FXN: variants seen among roughly 807,000 people sequenced by gnomAD.
FXN encodes the protein frataxin, mitochondrial.
FXN carries 14 observed loss-of-function variants against 22.4 expected under a neutral mutation model. That is an observed-to-expected ratio of 0.62 (90% CI 0.41 to 0.98). The LOEUF is 0.98. FXN is among the 50% of genes least tolerant of loss of function. FXN has a pLI of 0.00. For synonymous variants in FXN, 120 were observed against 114.1 expected, an observed-to-expected ratio of 1.05 and a Z score of -0.33; for missense variants, 267 against 268.4, an observed-to-expected ratio of 0.99 and a Z score of 0.04.
At chr9:69,039,695 G>C (rs998485161) in intron 1 of FXN, among the ~76,000 whole-genome samples, 5 of 152,048 alleles carry the variant, frequency 3.3e-5, no homozygotes, top group Non-Finnish European at 7.4e-5. Context: ...ACGGGGCTGC[G>C]TCTTTAACGT....
At chr9:69,048,175 G>A (rs975901305) in intron 2 of FXN, among the ~76,000 whole-genome samples, 2 of 152,202 alleles carry the variant, frequency 1.3e-5, no homozygotes, top group Non-Finnish European at 2.9e-5. Flanking sequence ...ATGCCCAGCT[G>A]TCTCAGCCTA....
Position 69,073,114 on chromosome 9 carries a change from A to C in FXN, c.*352A>C. 1.7e-6 allele frequency: 2 copies of C among 1,151,618 alleles called. No individual in the cohort carries two copies. The highest frequency in any genetic ancestry group is 2.2e-6 in the Non-Finnish European group (2 of 929,610). 71.3% of individuals were successfully genotyped at this position (1,151,618 alleles called of 1,614,324 possible). On this transcript the variant is annotated 3_prime_UTR_variant, in exon 5 of 5. Coordinates refer to ENST00000484259, the MANE Select transcript of FXN (RefSeq NM_000144.5). ...CCAGGAGGGAAAATGAATTGTCTTC[A>C]CTCTTCATTCTTTGAAGGATTTACT...
At position 69,078,605 on chromosome 9, in the gene FXN, A is replaced by G; in HGVS notation, c.*5843A>G. ...TGTTCAGGCACTGACTCTACATATA[A>G]TTATGCTTTTCTACCCCCTCACACT... On this transcript the variant is annotated 3_prime_UTR_variant, in exon 5 of 5. Coordinates refer to ENST00000484259, the MANE Select transcript of FXN (RefSeq NM_000144.5). 3.0e-6 allele frequency: 3 copies of G among 985,676 alleles called. No individual in the cohort carries two copies. The highest frequency in any genetic ancestry group is 3.6e-6 in the Non-Finnish European group (3 of 829,946). 61.1% of individuals were successfully genotyped at this position (985,676 alleles called of 1,614,324 possible). A position where few individuals can be genotyped will look rare whatever the true frequency, so the allele number is the denominator to read the frequency against.
At chr9:69,056,221 G>T (rs1831955416) in intron 3 of FXN, among the ~76,000 whole-genome samples, 1 of 152,120 alleles carries the variant, frequency 6.6e-6, no homozygotes, top group African/African-American at 2.4e-5. Flanking sequence ...TCTAAAGAGG[G>T]TCCCACTACC....
At chr9:69,064,628 C>T (rs1475373469) in intron 3 of FXN, among the ~76,000 whole-genome samples, 1 of 152,130 alleles carries the variant, frequency 6.6e-6, no homozygotes, top group Non-Finnish European at 1.5e-5. Flanking sequence ...CAGATGCCAG[C>T]ACCAAGACCT....
intron 3 of FXN, among the ~76,000 whole-genome samples, chr9:69,053,471 A>G (rs73647061): frequency 0.018 from 2,592 of 140,284 alleles, 95 homozygotes; most frequent in African/African-American, 0.068. Context: ...ACTCTGTCAT[A>G]GATGGATGGA....
At chr9:69,040,284 A>G (rs1831632311) in intron 1 of FXN, among the ~76,000 whole-genome samples, 1 of 152,198 alleles carries the variant, frequency 6.6e-6, no homozygotes, top group African/African-American at 2.4e-5. Context: ...TTTAGGCCTA[A>G]CAAGCAGGTT....
chr9:69,067,896 T>C (rs2133131262), intron 4 of FXN, among the ~76,000 whole-genome samples: 1 of 152,172 alleles, frequency 6.6e-6, no homozygotes, highest in African/African-American at 2.4e-5. Flanking sequence ...GCAGGTCCAG[T>C]GGGGAAAGTG....
Position 69,035,835 on chromosome 9 carries a change from C to T in FXN, c.53C>T (p.Pro18Leu). 2.0e-6 allele frequency: 3 copies of T among 1,512,786 alleles called. No homozygotes were observed. Among genetic ancestry groups the T allele is most frequent in the Non-Finnish European group, 2.6e-6 (3 of 1,137,412 alleles). 93.7% of individuals were successfully genotyped at this position (1,512,786 alleles called of 1,614,324 possible). A position where few individuals can be genotyped will look rare whatever the true frequency, so the allele number is the denominator to read the frequency against. The change falls in exon 1 of 5, where the codon CCA (proline) becomes CTA (leucine). Residue 18 changes from proline to leucine, a missense_variant. Coordinates refer to ENST00000484259, the MANE Select transcript of FXN (RefSeq NM_000144.5). ...GCCGGCCTCCTGGCGTCACCCAGCC[C>T]AGCCCAGGCCCAGACCCTCACCCGG... ...AVAGLLASPS[P>L]AQAQTLTRVP...
chr9:69,057,755 C>T lies in FXN; in HGVS notation c.384+4495C>T, dbSNP rs375162393. Reference sequence around the variant, plus strand: ...CCCCTGAGATATAGCTAGAAGTTACCTCCTTTGTGAAGCCTTCCTAGATAC... The same window carrying T: ...CCCCTGAGATATAGCTAGAAGTTACTTCCTTTGTGAAGCCTTCCTAGATAC... On this transcript the variant is annotated intron_variant, in intron 3 of 4. Transcript: ENST00000484259. Among the ~76,000 whole-genome samples the T allele has an allele frequency of 2.6e-5, 4 of 151,934 alleles. No homozygotes were observed. In the East Asian group the frequency reaches 7.7e-4, roughly 29 times the overall value.
At chr9:69,065,456 G>A (rs1832151598) in intron 4 of FXN, among the ~76,000 whole-genome samples, 1 of 151,252 alleles carries the variant, frequency 6.6e-6, no homozygotes, top group South Asian at 2.1e-4. Context: ...TTGAGCCTCA[G>A]CCTGAGCCCA....
Position 69,069,046 on chromosome 9 carries a change from C to T in FXN, c.483-3566C>T, listed in dbSNP as rs182778625. ...GCAGAGCTGCCTGACCAAGAAATTG[C>T]GAGACAGAAGCAATGCTTGCAGGCG... On this transcript the variant is annotated intron_variant, in intron 4 of 4. Coordinates refer to ENST00000484259, the MANE Select transcript of FXN (RefSeq NM_000144.5). Among the ~76,000 whole-genome samples, 316 of 152,248 alleles carry T rather than the reference C, an allele frequency of 2.1e-3. 1 individual carries two copies. The highest frequency in any genetic ancestry group is 7.3e-3 in the African/African-American group (303 of 41,558).
In FXN at chr9:69,069,783, G is replaced by A. The variant is rs191960522; in HGVS notation, c.483-2829G>A. 9.2e-5 allele frequency among the ~76,000 whole-genome samples: 14 copies of A among 152,334 alleles called. No homozygotes were observed. In the East Asian group the frequency reaches 1.7e-3, roughly 19 times the overall value. On this transcript the variant is annotated intron_variant, in intron 4 of 4. Coordinates refer to ENST00000484259, the MANE Select transcript of FXN (RefSeq NM_000144.5). ...TGATGAGGCCATAGCGGGAGTCCAC[G>A]GAGGAGGATGCCTACTGCCCGACCT...
In FXN at chr9:69,074,515, G is replaced by A. The variant is rs1325414909; in HGVS notation, c.*1753G>A. On this transcript the variant is annotated 3_prime_UTR_variant, in exon 5 of 5. Coordinates refer to ENST00000484259, the MANE Select transcript of FXN (RefSeq NM_000144.5). ...TACCTGAGCGACAGAGCGAGACTCC[G>A]TCTCAAAAAAAAAAAAAAGGAGGGT... 1.8e-5 allele frequency: 17 copies of A among 941,028 alleles called. No individual in the cohort carries two copies. The East Asian group carries it at 4.4e-4, about 24-fold the overall frequency. 58.3% of individuals were successfully genotyped at this position (941,028 alleles called of 1,614,324 possible).
chr9:69,064,856 TA>T (rs1217079089), intron 3 of FXN, 81 bp from the exon 4 acceptor site: 2 of 806,380 alleles, frequency 2.5e-6, no homozygotes, highest in East Asian at 4.9e-5. Context: ...AGTGTTGAGA[TA>T]AAACATGAAG....
intron 4 of FXN, among the ~76,000 whole-genome samples, chr9:69,069,554 T>C (rs1298811817): frequency 1.3e-5 from 2 of 152,166 alleles, no homozygotes; most frequent in Non-Finnish European, 1.5e-5. Flanking sequence ...AAGGGTGGTA[T>C]GATGGGGACT....
intron 1 of FXN, among the ~76,000 whole-genome samples, chr9:69,041,054 A>G (rs1831648900): frequency 6.6e-6 from 1 of 152,190 alleles, no homozygotes; most frequent in Non-Finnish European, 1.5e-5. Flanking sequence ...ACTAAGACAA[A>G]TAACAAATAC....
At chr9:69,049,855 T>C (rs1831820478) in intron 2 of FXN, among the ~76,000 whole-genome samples, 1 of 152,194 alleles carries the variant, frequency 6.6e-6, no homozygotes, top group Non-Finnish European at 1.5e-5. Context: ...TCTCTGTGGA[T>C]TTAAAGTAAT....
chr9:69,071,015 G>A (rs542052994), intron 4 of FXN, among the ~76,000 whole-genome samples: 20 of 152,040 alleles, frequency 1.3e-4, no homozygotes, highest in Admixed American at 7.2e-4. Context: ...AAGTTTTCAG[G>A]TCCTGTGAAA....
Sources: gnomAD v4.1 joint callset for allele counts (sites outside exome capture counted in the v4.1 genomes callset) on GRCh38, gnomAD v4.1.1 for gene constraint, MANE v1.5 for transcripts, NCBI Gene and HGNC (gene_info 2026-07-23, HGNC 2026-07-21) for gene names.